Variants in UBE2E2 observed in about 807,000 individuals in gnomAD.
UBE2E2 encodes ubiquitin-conjugating enzyme E2 E2.
Under a neutral mutation model 24.7 loss-of-function variants are expected in UBE2E2, and 6 were observed. The ratio of observed to expected loss-of-function variants is 0.24; its 90% CI spans 0.13 to 0.48. The LOEUF is 0.48. Among genes scored for constraint, UBE2E2 ranks in the 20% least tolerant of loss-of-function variants. The probability of loss-of-function intolerance (pLI) is 0.99; values close to 1 mark genes in which losing one functional copy is unlikely to be tolerated. For synonymous variants in UBE2E2, 104 were observed against 83.6 expected (o/e 1.24, Z -1.33); for missense variants, 169 against 245.0 (o/e 0.69, Z 2.07).
intron 3 of UBE2E2, among the ~76,000 whole-genome samples, chr3:23,455,568 G>A (rs553241112): frequency 7.4e-4 from 113 of 152,016 alleles, no homozygotes; most frequent in African/African-American, 2.6e-3. Flanking sequence ...AAAATTAGCC[G>A]GGCTAATTTT....
At chr3:23,504,033 C>T (rs1694371570) in intron 4 of UBE2E2, among the ~76,000 whole-genome samples, 1 of 152,064 alleles carries the variant, frequency 6.6e-6, no homozygotes, top group African/African-American at 2.4e-5. Context: ...TAATCTCCCC[C>T]AAACTGATTA....
intron 3 of UBE2E2, among the ~76,000 whole-genome samples, chr3:23,247,801 G>A (rs563620843): frequency 6.6e-6 from 1 of 152,190 alleles, no homozygotes; most frequent in African/African-American, 2.4e-5. Flanking sequence ...AAATAATTCT[G>A]GCATTTACTC....
At chr3:23,425,488 TA>T (rs1697904879) in intron 3 of UBE2E2, among the ~76,000 whole-genome samples, 1 of 152,212 alleles carries the variant, frequency 6.6e-6, no homozygotes. Context: ...ATAAACAGGT[TA>T]AAAAGCTGAA....
chr3:23,441,194 A>G lies in UBE2E2; in HGVS notation c.228-58414A>G, dbSNP rs191131694. 8.1e-3 allele frequency among the ~76,000 whole-genome samples: 1,227 copies of G among 152,056 alleles called. 22 individuals are homozygous for G. The highest frequency in any genetic ancestry group is 0.027 in the African/African-American group (1,139 of 41,478). On this transcript the variant is annotated intron_variant, in intron 3 of 5. Coordinates refer to ENST00000396703, the MANE Select transcript of UBE2E2 (RefSeq NM_152653.4). ...CACCCTGCAAGGTTGGCAGGCAACAATTGTACCTGTGAAGTGAGCATCTAT... is the reference window on the plus strand; with the variant it reads ...CACCCTGCAAGGTTGGCAGGCAACAGTTGTACCTGTGAAGTGAGCATCTAT...
At chr3:23,329,586 C>G (rs1444114507) in intron 3 of UBE2E2, among the ~76,000 whole-genome samples, 26 of 152,190 alleles carry the variant, frequency 1.7e-4, no homozygotes, top group Admixed American at 1.7e-3. Context: ...CATTGGTATG[C>G]AAGCTAATTA....
At chr3:23,506,162 T>C (rs1323409864) in intron 4 of UBE2E2, among the ~76,000 whole-genome samples, 1 of 152,238 alleles carries the variant, frequency 6.6e-6, no homozygotes, top group East Asian at 1.9e-4. Flanking sequence ...TTAGAGAACA[T>C]GCAGTTGTCA....
At chr3:23,322,737 A>G (rs1694778847) in intron 3 of UBE2E2, among the ~76,000 whole-genome samples, 1 of 152,096 alleles carries the variant, frequency 6.6e-6, no homozygotes, top group Non-Finnish European at 1.5e-5. Flanking sequence ...AACAAAAACC[A>G]TAATACTTCC....
chr3:23,204,764 A>G, intron 1 of UBE2E2: 1 of 985,150 alleles, frequency 1.0e-6, no homozygotes, highest in South Asian at 4.7e-5. Flanking sequence ...AAAGCTGGAT[A>G]TTGCTGTGTG....
chr3:23,369,437 T>A (rs1250715149), intron 3 of UBE2E2, among the ~76,000 whole-genome samples: 1 of 152,196 alleles, frequency 6.6e-6, no homozygotes, highest in Non-Finnish European at 1.5e-5. Flanking sequence ...TATTCTCTCC[T>A]AAGACAAATA....
At chr3:23,541,631 G>T (rs1695398452) in intron 5 of UBE2E2, among the ~76,000 whole-genome samples, 1 of 152,164 alleles carries the variant, frequency 6.6e-6, no homozygotes, top group African/African-American at 2.4e-5. Context: ...TATCCTACAG[G>T]GAAACCTGTT....
intron 3 of UBE2E2, among the ~76,000 whole-genome samples, chr3:23,413,871 A>C: frequency 6.6e-6 from 1 of 152,184 alleles, no homozygotes; most frequent in Non-Finnish European, 1.5e-5. Context: ...TCATTCCACT[A>C]CGTAACTAGC....
intron 3 of UBE2E2, among the ~76,000 whole-genome samples, chr3:23,465,952 T>G (rs1698911174): frequency 6.6e-6 from 1 of 152,162 alleles, no homozygotes; most frequent in Non-Finnish European, 1.5e-5. Flanking sequence ...TAGGTACACA[T>G]TCTTTAGAGT....
intron 3 of UBE2E2, among the ~76,000 whole-genome samples, chr3:23,439,046 T>G (rs564504664): frequency 2.0e-5 from 3 of 152,368 alleles, no homozygotes; most frequent in Non-Finnish European, 4.4e-5. Context: ...AGTGATCATT[T>G]TTATATACAA....
intron 5 of UBE2E2, among the ~76,000 whole-genome samples, chr3:23,554,667 A>G (rs772039746): frequency 5.3e-5 from 8 of 152,212 alleles, no homozygotes; most frequent in Non-Finnish European, 8.8e-5. Context: ...AGCCTTGGCA[A>G]TGATTTCTTG....
At chr3:23,225,572 G>A (rs2132149) in intron 3 of UBE2E2, among the ~76,000 whole-genome samples, 40,117 of 152,064 alleles carry the variant, frequency 0.26, 5,656 homozygotes, top group Non-Finnish European at 0.32. Context: ...ACACTGAATT[G>A]TCTTGATACC....
chr3:23,251,854 C>G, intron 3 of UBE2E2, among the ~76,000 whole-genome samples: 1 of 152,256 alleles, frequency 6.6e-6, no homozygotes, highest in South Asian at 2.1e-4. Context: ...TTGCTATACC[C>G]ATACATTTAT....
At chr3:23,322,466 C>T (rs1429692505) in intron 3 of UBE2E2, among the ~76,000 whole-genome samples, 1 of 152,062 alleles carries the variant, frequency 6.6e-6, no homozygotes, top group East Asian at 1.9e-4. Flanking sequence ...CCCCATGTGA[C>T]TTGATTAATG....
chr3:23,252,759 A>G (rs1440135293), intron 3 of UBE2E2, among the ~76,000 whole-genome samples: 1 of 152,216 alleles, frequency 6.6e-6, no homozygotes, highest in Non-Finnish European at 1.5e-5. Context: ...GGTCTCCCAA[A>G]GTGCTGGTAT....
chr3:23,300,767 G>A (rs1233409848), intron 3 of UBE2E2, among the ~76,000 whole-genome samples: 1 of 151,966 alleles, frequency 6.6e-6, no homozygotes, highest in African/African-American at 2.4e-5. Flanking sequence ...GTGTCTTGGA[G>A]TTGCTCTTCT....
Sources: gnomAD v4.1 joint callset for allele counts (sites outside exome capture counted in the v4.1 genomes callset) on GRCh38, gnomAD v4.1.1 for gene constraint, MANE v1.5 for transcripts, NCBI Gene and HGNC (gene_info 2026-07-23, HGNC 2026-07-21) for gene names.